Variants in MCCC1 observed in about 807,000 individuals in gnomAD.
The protein encoded by MCCC1 is methylcrotonoyl-CoA carboxylase subunit alpha, mitochondrial.
In MCCC1, 64 loss-of-function variants were observed where a neutral mutation model predicts 83.8. The ratio of observed to expected loss-of-function variants is 0.76; its 90% CI spans 0.62 to 0.94. The LOEUF is 0.94. Ranked by LOEUF, MCCC1 falls within the 40% of genes least tolerant of loss-of-function variation. The pLI, the probability that MCCC1 is intolerant of heterozygous loss-of-function variation, is 0.00. For missense variants in MCCC1, 807 were observed against 904.7 expected (o/e 0.89, Z 1.39); for synonymous variants, 322 against 315.4 (o/e 1.02, Z -0.22).
intron 4 of MCCC1, among the ~76,000 whole-genome samples, chr3:183,073,538 C>T (rs946610290): frequency 2.0e-5 from 3 of 152,228 alleles, no homozygotes. Context: ...TACTACAGAA[C>T]TGGACTGATA....
chr3:183,022,873 T>C (rs1712272657), intron 15 of MCCC1, among the ~76,000 whole-genome samples: 1 of 152,160 alleles, frequency 6.6e-6, no homozygotes, highest in Non-Finnish European at 1.5e-5. Context: ...ACAAACCAAG[T>C]TATGCAAAAT....
At chr3:183,025,972 T>A (rs1486589086) in intron 14 of MCCC1, among the ~76,000 whole-genome samples, 168 bp from the exon 15 acceptor site, 1 of 152,226 alleles carries the variant, frequency 6.6e-6, no homozygotes, top group Non-Finnish European at 1.5e-5. Flanking sequence ...AAAGCATCTG[T>A]CAAGCTAGTA....
chr3:183,102,705 A>T (rs778356335), upstream of MCCC1, among the ~76,000 whole-genome samples: 5 of 149,116 alleles, frequency 3.4e-5, no homozygotes, highest in Non-Finnish European at 7.4e-5. Flanking sequence ...AATATAAAAG[A>T]TGAAAGCATA....
At chr3:183,069,552 A>C (rs1716503407) in intron 7 of MCCC1, among the ~76,000 whole-genome samples, 1 of 152,092 alleles carries the variant, frequency 6.6e-6, no homozygotes, top group Non-Finnish European at 1.5e-5. Flanking sequence ...ATAGGGCCTG[A>C]AACAAAAAAC....
chr3:183,102,998 G>A (rs1477226128), upstream of MCCC1, among the ~76,000 whole-genome samples: 1 of 151,778 alleles, frequency 6.6e-6, no homozygotes, highest in Non-Finnish European at 1.5e-5. Flanking sequence ...TCTGGAATTG[G>A]TGGGTTCTTG....
intron 1 of MCCC1, among the ~76,000 whole-genome samples, chr3:183,106,292 C>T (rs1011652123): frequency 1.3e-5 from 2 of 152,094 alleles, no homozygotes; most frequent in African/African-American, 4.8e-5. Flanking sequence ...AAAGCTTACT[C>T]CCATTGCAAT....
intron 1 of MCCC1, among the ~76,000 whole-genome samples, chr3:183,097,466 CA>C (rs1718825823): frequency 6.6e-6 from 1 of 152,170 alleles, no homozygotes; most frequent in African/African-American, 2.4e-5. Flanking sequence ...GATCATGGCT[CA>C]CTACGGCCTG....
intron 14 of MCCC1, among the ~76,000 whole-genome samples, chr3:183,028,929 A>C (rs986504890): frequency 2.6e-5 from 4 of 152,236 alleles, no homozygotes; most frequent in African/African-American, 9.6e-5. Context: ...ATTACATCTC[A>C]CTGGAGGCTT....
rs779772103 is a variant in MCCC1 at position 183,099,429 on chromosome 3, G to C, written c.12C>G (p.Ala4=). 6.2e-7 allele frequency: 1 copy of C among 1,605,638 alleles called. No homozygotes were observed. The highest frequency in any genetic ancestry group is 8.5e-7 in the Non-Finnish European group (1 of 1,177,198). MAA[A]SAVSVLLVAA... is the part of the protein sequence containing the mutation. ...CCACCAGCAGCACCGACACCGCAGAGGCCGCCGCCATGTCCCTGGAGCCCG... is the reference window on the plus strand; with the variant it reads ...CCACCAGCAGCACCGACACCGCAGACGCCGCCGCCATGTCCCTGGAGCCCG... Residue 4 remains alanine (A), a synonymous_variant, in exon 1 of 19, where the codon GCC becomes GCG. Transcript: ENST00000265594.
intron 7 of MCCC1, among the ~76,000 whole-genome samples, chr3:183,059,264 G>A (rs1231975754): frequency 2.6e-5 from 4 of 152,180 alleles, no homozygotes; most frequent in South Asian, 2.1e-4. Context: ...GGCCGAGATC[G>A]TGCCACTGCA....
Position 183,092,432 on chromosome 3 carries a change from T to C in MCCC1, c.250A>G (p.Arg84Gly). Reference protein sequence around the residue: ...QTVAVYSEADRNSMHVDMADE... With the variant: ...QTVAVYSEADGNSMHVDMADE... ...ACCATATCTACATGCATGGAATTTC[T>C]GTCAGCCTCACTATAAACCGCCACA... The change falls in exon 3 of 19, where the codon AGA becomes GGA. Residue 84 changes from arginine to glycine, a missense_variant. Coordinates refer to ENST00000265594, the MANE Select transcript of MCCC1 (RefSeq NM_020166.5). The C allele has an allele frequency of 6.2e-7, 1 of 1,614,238 alleles. No individual in the cohort carries two copies. The highest frequency in any genetic ancestry group is 8.5e-7 in the Non-Finnish European group (1 of 1,180,044).
At chr3:183,086,235 T>G (rs1380201238) in intron 4 of MCCC1, among the ~76,000 whole-genome samples, 1 of 152,236 alleles carries the variant, frequency 6.6e-6, no homozygotes, top group Non-Finnish European at 1.5e-5. Context: ...AACACCAAGC[T>G]TGTTTTCATC....
chr3:183,023,565 C>A (rs953186508), intron 15 of MCCC1, among the ~76,000 whole-genome samples: 1 of 152,164 alleles, frequency 6.6e-6, no homozygotes, highest in Admixed American at 6.5e-5. Flanking sequence ...GAAATAATCT[C>A]AAACCAGAGG....
intron 4 of MCCC1, among the ~76,000 whole-genome samples, chr3:183,076,397 T>C (rs11708689): frequency 2.9e-4 from 44 of 152,372 alleles, no homozygotes; most frequent in Admixed American, 8.5e-4. Flanking sequence ...TTCTGTTATA[T>C]GGATATACCA....
chr3:183,094,437 G>C, intron 2 of MCCC1, 122 bp downstream of exon 2: 1 of 994,054 alleles, frequency 1.0e-6, no homozygotes, highest in Non-Finnish European at 1.6e-6. Flanking sequence ...AAATTATCGT[G>C]AAAATCCAAA....
chr3:183,083,294 A>G (rs763601685), intron 4 of MCCC1, among the ~76,000 whole-genome samples: 9 of 152,214 alleles, frequency 5.9e-5, no homozygotes, highest in Non-Finnish European at 1.3e-4. Flanking sequence ...AGAACTTTGT[A>G]AATTATAACC....
chr3:183,043,823 T>A (rs1714312574), intron 10 of MCCC1, among the ~76,000 whole-genome samples: 1 of 152,202 alleles, frequency 6.6e-6, no homozygotes, highest in Non-Finnish European at 1.5e-5. Flanking sequence ...TTAGAAACCT[T>A]TTTTTCTCTT....
rs1713847356 is a variant in MCCC1 at position 183,039,017 on chromosome 3, A to G, written c.1377+9T>C. 2 of 1,612,478 alleles carry G rather than the reference A, an allele frequency of 1.2e-6. No homozygotes were observed. Among genetic ancestry groups the G allele is most frequent in the Non-Finnish European group, 1.7e-6 (2 of 1,178,568 alleles). The stretch of plus-strand genomic sequence containing the variant: ...ATCAAGGTCACTGGCACGGTCTCAG[A>G]TCACTCACATTGTACTGACGAAGGC... On this transcript the variant is annotated intron_variant, in intron 12 of 18. Coordinates refer to ENST00000265594, the MANE Select transcript of MCCC1 (RefSeq NM_020166.5).
intron 13 of MCCC1, among the ~76,000 whole-genome samples, chr3:183,034,285 C>A (rs758222536): frequency 6.6e-6 from 1 of 151,980 alleles, no homozygotes; most frequent in African/African-American, 2.4e-5. Flanking sequence ...CCCGTCTCTA[C>A]TAAAAATACA....
Sources: allele counts gnomAD v4.1 joint callset (sites outside exome capture counted in the v4.1 genomes callset), GRCh38; gene constraint gnomAD v4.1.1; transcripts MANE v1.5; gene names NCBI Gene and HGNC (gene_info 2026-07-23, HGNC 2026-07-21).